EPHA7: variants seen among roughly 807,000 people sequenced by gnomAD.
EPHA7 encodes EPH receptor A7.
A neutral mutation model predicts 112.6 loss-of-function variants in EPHA7; 25 were observed. The observed-to-expected ratio is 0.22, with a 90% CI of 0.16 to 0.31. EPHA7 has a LOEUF of 0.31. Among genes scored for constraint, EPHA7 ranks in the 10% least tolerant of loss-of-function variants. EPHA7 has a pLI of 1.00. For missense variants in EPHA7, 962 were observed against 1,212.6 expected, an observed-to-expected ratio of 0.79 and a Z score of 3.07; for synonymous variants, 437 against 406.5, an observed-to-expected ratio of 1.07 and a Z score of -0.90.
intron 3 of EPHA7, among the ~76,000 whole-genome samples, chr6:93,392,767 T>C (rs530398027): frequency 1.3e-5 from 2 of 152,004 alleles, no homozygotes; most frequent in East Asian, 3.9e-4. Context: ...AACCTATCCA[T>C]TACATAATAA....
chr6:93,395,622 T>C (rs1246279507), intron 3 of EPHA7, among the ~76,000 whole-genome samples: 3 of 149,382 alleles, frequency 2.0e-5, no homozygotes, highest in African/African-American at 4.9e-5. Flanking sequence ...CATCTGTCCG[T>C]CACTCACTTT....
intron 3 of EPHA7, among the ~76,000 whole-genome samples, chr6:93,385,815 G>C (rs747217099): frequency 2.0e-5 from 3 of 152,128 alleles, no homozygotes; most frequent in Non-Finnish European, 4.4e-5. Context: ...AAAGGAAAGA[G>C]GTTTAATTGA....
rs1775409189 is a variant in EPHA7, at chr6:93,346,404, G to A, written c.1324+10313C>T. 2.0e-5 allele frequency among the ~76,000 whole-genome samples: 3 copies of A among 151,696 alleles called. No homozygotes were observed. In the South Asian group the frequency reaches 6.2e-4, roughly 31 times the overall value. On this transcript the variant is annotated intron_variant, in intron 5 of 16. Transcript: ENST00000369303. ...GCTAGCTACATAAAAACTAATTCAT[G>A]ACTCATGGAACAAAACCTGTTTGTA... is the stretch of plus-strand genomic sequence containing the variant.
chr6:93,319,698 T>C (rs1271598443), intron 5 of EPHA7, among the ~76,000 whole-genome samples: 3 of 152,118 alleles, frequency 2.0e-5, no homozygotes, highest in Non-Finnish European at 1.5e-5. Flanking sequence ...AGTTTTGCAG[T>C]AATCCAGATA....
intron 5 of EPHA7, among the ~76,000 whole-genome samples, chr6:93,293,871 A>G (rs1772514453): frequency 6.6e-6 from 1 of 152,138 alleles, no homozygotes; most frequent in South Asian, 2.1e-4. Context: ...CAATAGTAAA[A>G]TGTTTGCAAC....
Position 93,394,117 on chromosome 6 carries a change from C to G in EPHA7, c.832+16384G>C, listed in dbSNP as rs192273399. 9.5e-4 allele frequency among the ~76,000 whole-genome samples: 144 copies of G among 151,826 alleles called. 1 individual carries two copies. Among genetic ancestry groups the G allele is most frequent in the African/African-American group, 3.3e-3 (137 of 41,478 alleles). ...AATTCTAAAGATTTGAAAATTAGCT[C>G]AATTTAATCCACCACCACAACCACC... On this transcript the variant is annotated intron_variant, in intron 3 of 16. Transcript: ENST00000369303.
chr6:93,345,118 T>C (rs749030433), intron 5 of EPHA7, among the ~76,000 whole-genome samples: 2 of 151,692 alleles, frequency 1.3e-5, no homozygotes, highest in East Asian at 1.9e-4. Flanking sequence ...CACAGTGTTA[T>C]AGTCTGACGT....
intron 1 of EPHA7, among the ~76,000 whole-genome samples, chr6:93,415,534 T>A (rs1779180433): frequency 6.6e-6 from 1 of 152,110 alleles, no homozygotes; most frequent in African/African-American, 2.4e-5. Context: ...CTCCTGATAC[T>A]ATCAGTATGA....
intron 3 of EPHA7, among the ~76,000 whole-genome samples, chr6:93,402,104 C>A: frequency 6.6e-6 from 1 of 152,012 alleles, no homozygotes. Flanking sequence ...ATTAGAAACA[C>A]TCTGAAGTCA....
chr6:93,369,470 A>G (rs1036040696), intron 3 of EPHA7, among the ~76,000 whole-genome samples: 2 of 152,206 alleles, frequency 1.3e-5, no homozygotes, highest in Non-Finnish European at 2.9e-5. Flanking sequence ...CTCTGCAGAA[A>G]AAGTAGCTAC....
chr6:93,352,815 C>T (rs1016763297), intron 5 of EPHA7, among the ~76,000 whole-genome samples: 1 of 152,030 alleles, frequency 6.6e-6, no homozygotes, highest in Non-Finnish European at 1.5e-5. Flanking sequence ...GGGCATTATC[C>T]TTAGCAAACT....
chr6:93,298,160 G>A (rs1389989505), intron 5 of EPHA7, among the ~76,000 whole-genome samples: 33 of 151,932 alleles, frequency 2.2e-4, no homozygotes, highest in Admixed American at 2.2e-3. Flanking sequence ...ACCTGGCCTT[G>A]GAAAAAAATA....
intron 5 of EPHA7, among the ~76,000 whole-genome samples, chr6:93,346,575 G>C (rs1242637727): frequency 6.6e-6 from 1 of 151,704 alleles, no homozygotes; most frequent in Non-Finnish European, 1.5e-5. Context: ...TAACATATTT[G>C]TTATTTTTTA....
At chr6:93,256,069 A>G in intron 12 of EPHA7, 32 bp from the exon 13 acceptor site, 1 of 1,597,078 alleles carries the variant, frequency 6.3e-7, no homozygotes, top group Non-Finnish European at 8.6e-7. Context: ...AGCCCAGTTA[A>G]CTGCATACTT....
At chr6:93,256,876 T>C (rs1326138238) in intron 12 of EPHA7, among the ~76,000 whole-genome samples, 3 of 152,134 alleles carry the variant, frequency 2.0e-5, no homozygotes, top group Non-Finnish European at 4.4e-5. Context: ...TTAGATTATT[T>C]TTTCTTTGCC....
chr6:93,314,160 C>T (rs1773676191), intron 5 of EPHA7, among the ~76,000 whole-genome samples: 1 of 151,880 alleles, frequency 6.6e-6, no homozygotes, highest in African/African-American at 2.4e-5. Context: ...TTCTACTTAA[C>T]AATAGCTGTC....
At chr6:93,360,817 T>C (rs991967695) in intron 3 of EPHA7, among the ~76,000 whole-genome samples, 2 of 152,046 alleles carry the variant, frequency 1.3e-5, no homozygotes, top group African/African-American at 4.8e-5. Flanking sequence ...ATAATTCTGT[T>C]TGTCTAGGAT....
intron 5 of EPHA7, among the ~76,000 whole-genome samples, chr6:93,297,620 A>G (rs180976074): frequency 6.6e-6 from 1 of 152,164 alleles, no homozygotes; most frequent in East Asian, 1.9e-4. Flanking sequence ...ATTTTGAGAA[A>G]TGGAAGGTTC....
chr6:93,369,617 T>C (rs1211740815), intron 3 of EPHA7, among the ~76,000 whole-genome samples: 3 of 152,194 alleles, frequency 2.0e-5, no homozygotes, highest in Admixed American at 1.3e-4. Context: ...TTTCACTCAA[T>C]ACAACATACC....
Sources: allele counts gnomAD v4.1 joint callset (sites outside exome capture counted in the v4.1 genomes callset), GRCh38; gene constraint gnomAD v4.1.1; transcripts MANE v1.5; gene names NCBI Gene and HGNC (gene_info 2026-07-23, HGNC 2026-07-21).